The following KIRREL3 variants were observed in gnomAD, a reference collection of about 807,000 sequenced individuals.
The protein encoded by KIRREL3 is kin of IRRE-like protein 3.
Under a neutral mutation model 89.7 loss-of-function variants are expected in KIRREL3, and 36 were observed. The observed-to-expected ratio is 0.40, with a 90% CI of 0.31 to 0.53. KIRREL3 has a LOEUF of 0.53. KIRREL3 is among the 20% of genes least tolerant of loss of function. The pLI is 0.49. For missense variants in KIRREL3, 864 were observed against 1,056.6 expected (o/e 0.82, Z 2.53); for synonymous variants, 445 against 441.4 (o/e 1.01, Z -0.10).
rs536837639 is a variant in KIRREL3 at position 126,558,687 on chromosome 11, C to T, written c.133+4148G>A. On this transcript the variant is annotated intron_variant, in intron 2 of 16. Coordinates refer to ENST00000525144, the MANE Select transcript of KIRREL3 (RefSeq NM_032531.4). The surrounding 1 kb of genome is among the most constrained non-coding windows in gnomAD (Gnocchi z 4.0). ...CCCCTCCCCTGATACATGTGACAGC[C>T]TTCTACTCTGCCTGGGAATAGGATC... is the stretch of plus-strand genomic sequence containing the variant. 6.6e-6 allele frequency among the ~76,000 whole-genome samples: 1 copy of T among 152,272 alleles called. No homozygotes were observed. The highest frequency in any genetic ancestry group is 2.4e-5 in the African/African-American group (1 of 41,548).
intron 1 of KIRREL3, among the ~76,000 whole-genome samples, chr11:126,834,068 T>C (rs1389035928): frequency 6.6e-6 from 1 of 152,226 alleles, no homozygotes; most frequent in Non-Finnish European, 1.5e-5. Context: ...AGATTCTTTT[T>C]CTACTTTATA....
At chr11:126,438,085 T>C (rs1259802988) in intron 11 of KIRREL3, among the ~76,000 whole-genome samples, 1 of 152,236 alleles carries the variant, frequency 6.6e-6, no homozygotes, top group East Asian at 1.9e-4. Flanking sequence ...GGGAGCATCT[T>C]TCTGGGCAAA....
chr11:126,686,861 G>A lies in KIRREL3; in HGVS notation c.56-123949C>T, dbSNP rs547646338. Among the ~76,000 whole-genome samples the A allele has an allele frequency of 3.3e-5, 5 of 152,312 alleles. No individual in the cohort carries two copies. The highest frequency in any genetic ancestry group is 6.5e-5 in the Admixed American group (1 of 15,302). ...CCCAAAGTGCCAGGATTACAGGTGT[G>A]AGCCACCATGCCTGGATCCTACACT... On this transcript the variant is annotated intron_variant, in intron 1 of 16. Transcript: ENST00000525144. The surrounding 1 kb of genome is among the most constrained non-coding windows in gnomAD (Gnocchi z 4.7).
Position 126,978,099 on chromosome 11 carries a change from C to T in KIRREL3, c.55+22356G>A, listed in dbSNP as rs896087356. 6.6e-6 allele frequency among the ~76,000 whole-genome samples: 1 copy of T among 152,176 alleles called. No individual in the cohort carries two copies. The highest frequency in any genetic ancestry group is 1.5e-5 in the Non-Finnish European group (1 of 68,026). ...CTCCTTCCAAGCCTGTGGCCACAAG[C>T]CCCAGGGATAATGGTCAGCACATTG... On this transcript the variant is annotated intron_variant, in intron 1 of 16. Coordinates refer to ENST00000525144, the MANE Select transcript of KIRREL3 (RefSeq NM_032531.4). The surrounding 1 kb of genome is among the most constrained non-coding windows in gnomAD (Gnocchi z 4.2).
chr11:126,481,679 C>G (rs1382636486), intron 4 of KIRREL3, among the ~76,000 whole-genome samples: 2 of 152,240 alleles, frequency 1.3e-5, no homozygotes, highest in African/African-American at 4.8e-5. Flanking sequence ...TTGTCTCTTT[C>G]CATTCCCACA....
chr11:126,475,439 C>T lies in KIRREL3; in HGVS notation c.434-1973G>A, dbSNP rs372643164. Among the ~76,000 whole-genome samples the T allele has an allele frequency of 6.2e-4, 94 of 152,336 alleles. No homozygotes were observed. Among genetic ancestry groups the T allele is most frequent in the Admixed American group, 2.2e-3 (33 of 15,302 alleles). ...CAAACCTTCAGAACAGCTGCCTTGC[C>T]CTCCCTGCCCGGCCTTGGAGGCCTG... On this transcript the variant is annotated intron_variant, in intron 4 of 16. Transcript: ENST00000525144. This position sits in a 1 kb window ranked among gnomAD's most constrained non-coding sequence, Gnocchi z 7.5.
At chr11:126,448,433 C>T (rs1037349965) in intron 8 of KIRREL3, among the ~76,000 whole-genome samples, 1 of 152,168 alleles carries the variant, frequency 6.6e-6, no homozygotes, top group Admixed American at 6.5e-5. Context: ...TGACCTCAGA[C>T]CTCCATCTCC....
At chr11:126,478,651 ATGTG>A (rs1356990396) in intron 4 of KIRREL3, among the ~76,000 whole-genome samples, 2 of 128,670 alleles carry the variant, frequency 1.6e-5, no homozygotes, top group African/African-American at 1.0e-4. Flanking sequence ...GTGTGTATGT[ATGTG>A]TATATGTATA....
chr11:126,947,043 A>C (rs1404408221), intron 1 of KIRREL3, among the ~76,000 whole-genome samples: 1 of 152,184 alleles, frequency 6.6e-6, no homozygotes, highest in Middle Eastern at 3.4e-3. Context: ...TTTCATGCCT[A>C]CATCAGCTTG....
At position 126,872,348 on chromosome 11, in the gene KIRREL3, A is replaced by G. The variant is rs1485977099; in HGVS notation, c.55+128107T>C. 6.6e-6 allele frequency among the ~76,000 whole-genome samples: 1 copy of G among 152,220 alleles called. No homozygotes were observed. The highest frequency in any genetic ancestry group is 1.5e-5 in the Non-Finnish European group (1 of 68,046). On this transcript the variant is annotated intron_variant, in intron 1 of 16. Coordinates refer to ENST00000525144, the MANE Select transcript of KIRREL3 (RefSeq NM_032531.4). This position sits in a 1 kb window ranked among gnomAD's most constrained non-coding sequence, Gnocchi z 4.2. Reference sequence around the variant, plus strand: ...TTGCATGTAAATAAAGGGGGTATAAACACAGTTGTCAGCAGCCCATATGCT... The same window carrying G: ...TTGCATGTAAATAAAGGGGGTATAAGCACAGTTGTCAGCAGCCCATATGCT...
chr11:126,799,633 G>A (rs1950968158), intron 1 of KIRREL3, among the ~76,000 whole-genome samples: 1 of 152,232 alleles, frequency 6.6e-6, no homozygotes, highest in African/African-American at 2.4e-5. Flanking sequence ...GGAAGAATCT[G>A]GTTTCACTCC....
Position 126,449,109 on chromosome 11 carries a change from G to A in KIRREL3, c.897C>T (p.Tyr299=), listed in dbSNP as rs1955931193. Reference sequence around the variant, plus strand: ...AGTACGTGTAGTCCACTGTGGTCCTGTACACCTCTCCAGATGCCTCCTTGA... The same window carrying A: ...AGTACGTGTAGTCCACTGTGGTCCTATACACCTCTCCAGATGCCTCCTTGA... ...QIIKEASGEV[Y]RTTVDYTYFS... is the part of the protein sequence containing the mutation. The change falls in exon 8 of 17, where the codon TAC becomes TAT. Residue 299 remains tyrosine, a synonymous_variant. Transcript: ENST00000525144. 1.9e-6 allele frequency: 3 copies of A among 1,613,960 alleles called. No homozygotes were observed. The highest frequency in any genetic ancestry group is 2.2e-5 in the South Asian group (2 of 91,082).
intron 1 of KIRREL3, among the ~76,000 whole-genome samples, chr11:126,838,785 G>C (rs935729661): frequency 2.0e-5 from 3 of 152,178 alleles, no homozygotes; most frequent in Non-Finnish European, 4.4e-5. Flanking sequence ...ATGTATGGCA[G>C]TAATAAAGGG....
intron 1 of KIRREL3, among the ~76,000 whole-genome samples, chr11:126,910,889 C>A (rs544878806): frequency 3.3e-5 from 5 of 152,196 alleles, no homozygotes; most frequent in African/African-American, 1.2e-4. Context: ...GCAGGAAGGC[C>A]CAGCAGTGAT....
intron 12 of KIRREL3, 117 bp downstream of exon 12, chr11:126,436,694 T>TG: frequency 9.2e-7 from 1 of 1,084,494 alleles, no homozygotes; most frequent in Non-Finnish European, 1.4e-6. Flanking sequence ...GGAAGAGCAC[T>TG]GTGGCTTGTC....
rs886952567 is a variant in KIRREL3 at position 126,455,770 on chromosome 11, C to A, written c.848+579G>T. ...TGAGATCACGCCACTGCACTCCAGC[C>A]TGGGTGACAGAGCGAGACTCTGTCT... On this transcript the variant is annotated intron_variant, in intron 7 of 16. Transcript: ENST00000525144. This position sits in a 1 kb window ranked among gnomAD's most constrained non-coding sequence, Gnocchi z 6.4. Among the ~76,000 whole-genome samples, 1 of 152,170 alleles carries A rather than the reference C, an allele frequency of 6.6e-6. No homozygotes were observed. Among genetic ancestry groups the A allele is most frequent in the Non-Finnish European group, 1.5e-5 (1 of 68,028 alleles).
At position 126,606,079 on chromosome 11, in the gene KIRREL3, C is replaced by A. The variant is rs1415644509; in HGVS notation, c.56-43167G>T. 2.0e-5 allele frequency among the ~76,000 whole-genome samples: 3 copies of A among 152,310 alleles called. No individual in the cohort carries two copies. Among genetic ancestry groups the A allele is most frequent in the Non-Finnish European group, 4.4e-5 (3 of 68,038 alleles). On this transcript the variant is annotated intron_variant, in intron 1 of 16. Coordinates refer to ENST00000525144, the MANE Select transcript of KIRREL3 (RefSeq NM_032531.4). This position sits in a 1 kb window ranked among gnomAD's most constrained non-coding sequence, Gnocchi z 4.6. ...TCAATTATTCAATCTCCCTGAGCCT[C>A]CATTTCTTCAGTAAAATGGAGCTAA...
At chr11:126,738,275 G>A (rs1234879811) in intron 1 of KIRREL3, among the ~76,000 whole-genome samples, 1 of 152,164 alleles carries the variant, frequency 6.6e-6, no homozygotes, top group Non-Finnish European at 1.5e-5. Context: ...AACAGCCCCT[G>A]TTGCCCCCTC....
rs1488225512 is a variant in KIRREL3, at chr11:126,870,179, A to T, written c.55+130276T>A. ...GGCACAGGGTCGTATGTCCTGGGGC[A>T]GGGCTCCCTGTTCACGGTCTAAAGC... is the stretch of plus-strand genomic sequence containing the variant. On this transcript the variant is annotated intron_variant, in intron 1 of 16. Transcript: ENST00000525144. This position sits in a 1 kb window ranked among gnomAD's most constrained non-coding sequence, Gnocchi z 4.4. Among the ~76,000 whole-genome samples the T allele has an allele frequency of 6.6e-6, 1 of 152,176 alleles. No individual in the cohort carries two copies. Among genetic ancestry groups the T allele is most frequent in the East Asian group, 1.9e-4 (1 of 5,178 alleles).
Sources: allele counts gnomAD v4.1 joint callset (sites outside exome capture counted in the v4.1 genomes callset), GRCh38; gene constraint gnomAD v4.1.1; non-coding constraint Gnocchi (gnomAD v3.1); transcripts MANE v1.5; gene names NCBI Gene and HGNC (gene_info 2026-07-23, HGNC 2026-07-21).